Variants in DUSP22 observed in about 807,000 individuals in gnomAD.
DUSP22 encodes dual specificity protein phosphatase 22.
DUSP22 carries 24 observed loss-of-function variants against 24.5 expected under a neutral mutation model. The ratio of observed to expected loss-of-function variants is 0.98; its 90% confidence interval spans 0.71 to 1.38. The LOEUF is 1.38. Ranked by LOEUF, DUSP22 falls within the 40% of genes most tolerant of loss-of-function variation. The pLI is 0.00. For missense variants in DUSP22, 330 were observed against 269.2 expected (o/e 1.23, Z -1.58); for synonymous variants, 160 against 106.4 (o/e 1.50, Z -3.10).
At position 349,247 on chromosome 6, in the gene DUSP22, A is replaced by C; in HGVS notation, c.*296A>C. 1 of 1,351,328 alleles carries C rather than the reference A, an allele frequency of 7.4e-7. No homozygotes were observed. 83.7% of individuals were successfully genotyped at this position (1,351,328 alleles called of 1,614,324 possible). A position where few individuals can be genotyped will look rare whatever the true frequency, so the allele number is the denominator to read the frequency against. On this transcript the variant is annotated 3_prime_UTR_variant, in exon 7 of 7. Transcript: ENST00000419235. ...CACTTGTGTGTGGGTGACTAAGTGG[A>C]TGCATGTGTGTGCCTGTGTGAGTGA...
At chr6:339,707 G>A (rs1759515701) in intron 4 of DUSP22, among the ~76,000 whole-genome samples, 1 of 152,304 alleles carries the variant, frequency 6.6e-6, no homozygotes, top group African/African-American at 2.4e-5. Context: ...AGAAGCTTTA[G>A]CAATACAGAG....
At chr6:312,037 G>A in intron 3 of DUSP22, 75 bp downstream of exon 3, 2 of 1,279,518 alleles carry the variant, frequency 1.6e-6, no homozygotes, top group Non-Finnish European at 2.2e-6. Flanking sequence ...GTTAATGAAG[G>A]CAACCAGGTT....
At chr6:323,065 C>T (rs1758684388) in intron 3 of DUSP22, among the ~76,000 whole-genome samples, 1 of 152,292 alleles carries the variant, frequency 6.6e-6, no homozygotes, top group African/African-American at 2.4e-5. Context: ...TGTGTTTGCC[C>T]ACACCTGCAA....
intron 1 of DUSP22, 44 bp from the exon 2 acceptor site, chr6:304,583 AC>A: frequency 6.2e-7 from 1 of 1,614,050 alleles, no homozygotes; most frequent in Non-Finnish European, 8.5e-7. Flanking sequence ...AATACCATCC[AC>A]TTAGAGTCTG....
intron 1 of DUSP22, among the ~76,000 whole-genome samples, chr6:296,450 G>A (rs1321700832): frequency 2.0e-5 from 3 of 152,308 alleles, no homozygotes; most frequent in African/African-American, 7.2e-5. Flanking sequence ...ACAATGCAGA[G>A]TGCCTCACCA....
chr6:331,670 A>G (rs1456211049), intron 3 of DUSP22, among the ~76,000 whole-genome samples: 1 of 152,302 alleles, frequency 6.6e-6, no homozygotes, highest in Non-Finnish European at 1.5e-5. Context: ...TGCTTTCTGA[A>G]TTAGTAATTA....
rs1307920852 is a variant in DUSP22, at chr6:349,452, C to T, written c.*501C>T. ...ACTCCACATGGAAGGCATTTGAGCT[C>T]GACCTCCGAAAAGCTACCCAGCAAA... On this transcript the variant is annotated 3_prime_UTR_variant, in exon 7 of 7. Coordinates refer to ENST00000419235, the MANE Select transcript of DUSP22 (RefSeq NM_001286555.3). The T allele has an allele frequency of 8.0e-6, 8 of 1,006,184 alleles. No homozygotes were observed. The highest frequency in any genetic ancestry group is 8.4e-5 in the South Asian group (2 of 23,908). 62.3% of individuals were successfully genotyped at this position (1,006,184 alleles called of 1,614,324 possible). A position where few individuals can be genotyped will look rare whatever the true frequency, so the allele number is the denominator to read the frequency against.
At chr6:348,708 C>A in intron 6 of DUSP22, 61 bp from the exon 7 acceptor site, 1 of 1,604,196 alleles carries the variant, frequency 6.2e-7, no homozygotes, top group East Asian at 2.2e-5. Flanking sequence ...AGGTGCAAGC[C>A]CACGTGGATG....
chr6:330,766 G>A (rs1759103962), intron 3 of DUSP22, among the ~76,000 whole-genome samples: 1 of 152,300 alleles, frequency 6.6e-6, no homozygotes, highest in South Asian at 2.1e-4. Flanking sequence ...GACGTCTGTT[G>A]TTTCTTTCAA....
At chr6:314,843 T>G (rs1452350601) in intron 3 of DUSP22, among the ~76,000 whole-genome samples, 23 of 152,384 alleles carry the variant, frequency 1.5e-4, no homozygotes, top group African/African-American at 5.5e-4. Flanking sequence ...AAGGAACTTG[T>G]GACTTGGTTG....
intron 1 of DUSP22, among the ~76,000 whole-genome samples, chr6:299,096 C>A (rs562611944): frequency 1.3e-5 from 2 of 152,302 alleles, no homozygotes; most frequent in Admixed American, 6.5e-5. Flanking sequence ...AGCACCAATT[C>A]TGTGCTTATT....
At position 292,619 on chromosome 6, in the gene DUSP22, C is replaced by T. The variant is rs192483045; in HGVS notation, c.21+59C>T. 5.5e-5 allele frequency: 86 copies of T among 1,561,488 alleles called. No homozygotes were observed. In the Admixed American group the frequency reaches 1.3e-3, roughly 23 times the overall value. On this transcript the variant is annotated intron_variant, in intron 1 of 6. Transcript: ENST00000419235. ...TCCGCTCCGACGCCCTGCCGTCTCG[C>T]CGGCGTCGGCTGCCCGACGACTCGA...
intron 3 of DUSP22, among the ~76,000 whole-genome samples, chr6:330,637 C>CTAACAAAACCTTACTT (rs1554101294): frequency 6.6e-6 from 1 of 152,296 alleles, no homozygotes; most frequent in African/African-American, 2.4e-5. Flanking sequence ...GGTTACTATA[C>CTAACAAAACCTTACTT]TTGTTGAAAC....
Position 348,104 on chromosome 6 carries a change from C to T in DUSP22, c.265C>T (p.Leu89=). The T allele has an allele frequency of 6.2e-7, 1 of 1,614,148 alleles. No individual in the cohort carries two copies. The highest frequency in any genetic ancestry group is 8.5e-7 in the Non-Finnish European group (1 of 1,179,980). The part of the protein sequence containing the change: ...LRGESCLVHC[L]AGVSRSVTLV... The stretch of plus-strand genomic sequence containing the variant: ...CATGTGCTTCTCTTGGCCCCGCAGC[C>T]TGGCCGGGGTCTCCAGGAGCGTGAC... The change falls in exon 6 of 7, where the codon CTG becomes TTG. Residue 89 remains leucine, a splice_region_variant and synonymous_variant. Coordinates refer to ENST00000419235, the MANE Select transcript of DUSP22 (RefSeq NM_001286555.3).
At chr6:323,469 T>A (rs549648999) in intron 3 of DUSP22, among the ~76,000 whole-genome samples, 283 of 152,318 alleles carry the variant, frequency 1.9e-3, no homozygotes, top group African/African-American at 6.4e-3. Flanking sequence ...TAGGTGCATC[T>A]GAAATCTGAG....
chr6:293,170 G>A (rs1757173735), intron 1 of DUSP22, among the ~76,000 whole-genome samples: 1 of 152,286 alleles, frequency 6.6e-6, no homozygotes. Flanking sequence ...TGCTTGCGCT[G>A]ATGAGGCCTT....
intron 4 of DUSP22, chr6:337,950 G>A (rs1759434077): frequency 6.5e-6 from 1 of 152,772 alleles, no homozygotes; most frequent in African/African-American, 2.4e-5. Flanking sequence ...TTAGGGGTTA[G>A]GTAGGTGTGG....
chr6:323,779 G>A (rs965998392), intron 3 of DUSP22, among the ~76,000 whole-genome samples: 20 of 152,412 alleles, frequency 1.3e-4, no homozygotes, highest in African/African-American at 4.6e-4. Flanking sequence ...GATCATTTCA[G>A]CTGTGCTGAC....
chr6:350,645 T>C lies in DUSP22; in HGVS notation c.*1694T>C. 1 of 1,489,898 alleles carries C rather than the reference T, an allele frequency of 6.7e-7. No individual in the cohort carries two copies. Among genetic ancestry groups the C allele is most frequent in the Non-Finnish European group, 8.9e-7 (1 of 1,120,998 alleles). The allele number at this position is 1,489,898 out of a possible 1,614,324, so 92.3% of individuals were successfully genotyped here. A position where few individuals can be genotyped will look rare whatever the true frequency, so the allele number is the denominator to read the frequency against. Reference sequence around the variant, plus strand: ...ATCCATCCGTCTACAGCTAAAACAATTTGCCAATAAAGTACATGTTTTTCC... The same window carrying C: ...ATCCATCCGTCTACAGCTAAAACAACTTGCCAATAAAGTACATGTTTTTCC... On this transcript the variant is annotated 3_prime_UTR_variant, in exon 7 of 7. Transcript: ENST00000419235.
Sources: allele counts gnomAD v4.1 joint callset (sites outside exome capture counted in the v4.1 genomes callset), GRCh38; gene constraint gnomAD v4.1.1; transcripts MANE v1.5; gene names NCBI Gene and HGNC (gene_info 2026-07-23, HGNC 2026-07-21).